Variants in KIF25 observed in about 807,000 individuals in gnomAD.
KIF25 encodes the protein kinesin-like protein KIF25.
Under a neutral mutation model 32.9 loss-of-function variants are expected in KIF25, and 19 were observed. That is an observed-to-expected ratio of 0.58 (90% CI 0.40 to 0.85). KIF25 has a LOEUF of 0.85. KIF25 is among the 40% of genes least tolerant of loss of function. The pLI, the probability that KIF25 is intolerant of heterozygous loss-of-function variation, is 0.00. For missense variants in KIF25, 485 were observed against 507.0 expected (o/e 0.96, Z 0.42); for synonymous variants, 225 against 213.7 (o/e 1.05, Z -0.46).
At chr6:168,040,352 G>A in intron 10 of KIF25, 136 bp downstream of exon 10, 2 of 851,962 alleles carry the variant, frequency 2.3e-6, no homozygotes, top group South Asian at 1.9e-5. Context: ...GATCACCTGA[G>A]GTCAAGAGTT....
At chr6:168,005,295 CG>C (rs1798564353) in intron 4 of KIF25, among the ~76,000 whole-genome samples, 1 of 152,220 alleles carries the variant, frequency 6.6e-6, no homozygotes, top group South Asian at 2.1e-4. Flanking sequence ...GGCAGGTTGA[CG>C]GGGAAGAGCA....
chr6:168,002,160 G>A (rs1358188146), intron 2 of KIF25, among the ~76,000 whole-genome samples: 3 of 100,004 alleles, frequency 3.0e-5, no homozygotes, highest in South Asian at 7.2e-4. Context: ...GCGTGGCCTC[G>A]GGCAGGTGAG....
At chr6:168,015,434 A>G (rs1798700358) in intron 4 of KIF25, among the ~76,000 whole-genome samples, 1 of 152,234 alleles carries the variant, frequency 6.6e-6, no homozygotes, top group South Asian at 2.1e-4. Context: ...CAGCATGTAA[A>G]TGTAAGGAAA....
At chr6:168,044,771 G>C in intron 12 of KIF25, 56 bp from the exon 13 acceptor site, 1 of 1,498,726 alleles carries the variant, frequency 6.7e-7, no homozygotes, top group South Asian at 1.3e-5. Flanking sequence ...TGGCATGTTG[G>C]CACTTTCAGA....
chr6:168,038,465 C>T, intron 8 of KIF25, 88 bp from the exon 9 acceptor site: 1 of 1,357,858 alleles, frequency 7.4e-7, no homozygotes, highest in South Asian at 1.3e-5. Context: ...ACTGAGCATC[C>T]TGTAGGGCGT....
intron 7 of KIF25, among the ~76,000 whole-genome samples, chr6:168,033,129 G>C (rs1401198405): frequency 6.6e-6 from 1 of 152,144 alleles, no homozygotes; most frequent in African/African-American, 2.4e-5. Flanking sequence ...GTCACAGAGA[G>C]GACCTCAGCA....
At chr6:168,026,444 T>C (rs2114893322) in intron 5 of KIF25, among the ~76,000 whole-genome samples, 1 of 152,306 alleles carries the variant, frequency 6.6e-6, no homozygotes. Flanking sequence ...TCTGGGGTAA[T>C]ATTGTTTAGC....
intron 2 of KIF25, among the ~76,000 whole-genome samples, chr6:168,000,367 G>A (rs140362254): frequency 0.026 from 1,457 of 56,698 alleles, 27 homozygotes; most frequent in Middle Eastern, 0.083. Flanking sequence ...CTCCCATCCC[G>A]ACCACGCCTG....
chr6:167,998,876 A>T lies in KIF25; in HGVS notation c.-599+6A>T, dbSNP rs984775476. ...AGACCAGCTTGGCCAACATGGTAAA[A>T]ACCCTTCTGTACTAAAAATACAAAA... On this transcript the variant is annotated splice_donor_region_variant and intron_variant, in intron 1 of 12. Transcript: ENST00000643607. The T allele has an allele frequency of 4.6e-5, 7 of 152,114 alleles. No homozygotes were observed. The highest frequency in any genetic ancestry group is 1.7e-4 in the African/African-American group (7 of 41,404). 9.4% of individuals were successfully genotyped at this position (152,114 alleles called of 1,614,324 possible). A position where few individuals can be genotyped will look rare whatever the true frequency, so the allele number is the denominator to read the frequency against.
At chr6:167,999,610 G>A (rs948196091) in intron 2 of KIF25, among the ~76,000 whole-genome samples, 9 of 152,150 alleles carry the variant, frequency 5.9e-5, no homozygotes, top group Admixed American at 5.9e-4. Context: ...TTGCCTCTGC[G>A]GGGTCCGACC....
intron 7 of KIF25, among the ~76,000 whole-genome samples, chr6:168,032,325 A>C (rs1360060028): frequency 6.6e-6 from 1 of 152,224 alleles, no homozygotes; most frequent in African/African-American, 2.4e-5. Flanking sequence ...TTTAATGTTC[A>C]TTCTTAAATG....
chr6:168,038,792 C>A, intron 9 of KIF25, 63 bp downstream of exon 9: 1 of 1,541,686 alleles, frequency 6.5e-7, no homozygotes, highest in Non-Finnish European at 8.9e-7. Context: ...GCCCCTCCCA[C>A]CTGGTCAGGA....
chr6:168,027,977 C>T (rs1462608944), intron 5 of KIF25, among the ~76,000 whole-genome samples: 3 of 152,078 alleles, frequency 2.0e-5, no homozygotes, highest in African/African-American at 7.2e-5. Context: ...TTGAGCCACA[C>T]GAACATGTTT....
At chr6:168,000,468 A>C (rs2427648) in intron 2 of KIF25, among the ~76,000 whole-genome samples, 230 of 21,370 alleles carry the variant, frequency 0.011, no homozygotes, top group Non-Finnish European at 0.012. Flanking sequence ...TCTACACCTG[A>C]CCCTCCCCAC....
At chr6:168,034,382 C>T (rs1205209597) in intron 8 of KIF25, among the ~76,000 whole-genome samples, 1 of 152,166 alleles carries the variant, frequency 6.6e-6, no homozygotes, top group Admixed American at 6.5e-5. Context: ...CCTCAGCCTC[C>T]CGAGTATCTG....
Position 168,040,196 on chromosome 6 carries a change from C to T in KIF25, c.626C>T (p.Ala209Val). Residue 209 changes from alanine (A) to valine (V), a missense_variant, in exon 10 of 13, where the codon GCC becomes GTC. This residue lies in a region of KIF25 where 480 missense variants were observed against 470.3 expected (regional missense o/e 1.02). Coordinates refer to ENST00000643607, the MANE Select transcript of KIF25 (RefSeq NM_030615.4). ...ATAATTACGGTGACTCTAACCACAG[C>T]CTCCTGCTCTGACAGCACTGGTAAG... The part of the protein sequence containing the change: ...HLIITVTLTT[A>V]SCSDSTADQA... The T allele has an allele frequency of 6.2e-7, 1 of 1,613,366 alleles. No individual in the cohort carries two copies. Among genetic ancestry groups the T allele is most frequent in the South Asian group, 1.1e-5 (1 of 91,024 alleles).
At chr6:168,039,017 C>A (rs768131526) in intron 9 of KIF25, among the ~76,000 whole-genome samples, 3 of 151,636 alleles carry the variant, frequency 2.0e-5, no homozygotes, top group Non-Finnish European at 4.4e-5. Context: ...AATGGGTGAT[C>A]ATTTCACAAT....
In KIF25 at chr6:168,038,604, G is replaced by A. The variant is rs1278869942; in HGVS notation, c.369G>A (p.Val123=). 1.9e-6 allele frequency: 3 copies of A among 1,614,050 alleles called. No homozygotes were observed. Among genetic ancestry groups the A allele is most frequent in the East Asian group, 2.2e-5 (1 of 44,894 alleles). The stretch of plus-strand genomic sequence containing the variant: ...GCCCAAAGGTTGAAGTCTCCATAGT[G>A]GAAGTTTACAATAATGACATTTTTG... ...SRSPKVEVSI[V]EVYNNDIFDL... is the part of the protein sequence containing the mutation. The change falls in exon 9 of 13, where the codon GTG becomes GTA. Residue 123 remains valine (V), a synonymous_variant. Coordinates refer to ENST00000643607, the MANE Select transcript of KIF25 (RefSeq NM_030615.4).
intron 3 of KIF25, among the ~76,000 whole-genome samples, chr6:168,003,063 C>A (rs774772111): frequency 6.6e-6 from 1 of 152,210 alleles, no homozygotes; most frequent in South Asian, 2.1e-4. Flanking sequence ...GCACCGCTCA[C>A]CTCCTGCTGT....
Sources: allele counts gnomAD v4.1 joint callset (sites outside exome capture counted in the v4.1 genomes callset), GRCh38; gene constraint gnomAD v4.1.1; regional missense constraint gnomAD v4.1.1; transcripts MANE v1.5; gene names NCBI Gene and HGNC (gene_info 2026-07-23, HGNC 2026-07-21).